FAM184B: variants seen among roughly 807,000 people sequenced by gnomAD.
FAM184B encodes the protein protein FAM184B.
FAM184B carries 111 observed loss-of-function variants against 135.9 expected under a neutral mutation model. That is an observed-to-expected ratio of 0.82 (90% CI 0.70 to 0.96). The LOEUF is 0.96. Ranked by LOEUF, FAM184B falls within the 40% of genes least tolerant of loss-of-function variation. FAM184B has a pLI of 0.00. For missense variants in FAM184B, 1,375 were observed against 1,323.9 expected (o/e 1.04, Z -0.60); for synonymous variants, 552 against 524.8 (o/e 1.05, Z -0.71).
intron 7 of FAM184B, among the ~76,000 whole-genome samples, chr4:17,675,092 C>T (rs1388821417): frequency 1.3e-5 from 2 of 152,198 alleles, no homozygotes; most frequent in East Asian, 3.8e-4. Flanking sequence ...TGCCCAGATC[C>T]ATCAGGAGAA....
chr4:17,712,350 G>A (rs1717298132), intron 1 of FAM184B, among the ~76,000 whole-genome samples: 1 of 152,176 alleles, frequency 6.6e-6, no homozygotes, highest in Admixed American at 6.5e-5. Flanking sequence ...CACATGAGAC[G>A]TCCTCACTGA....
rs1335677299 is a variant in FAM184B, at chr4:17,781,267, C to A, written c.33G>T (p.Pro11=). 22 of 1,550,022 alleles carry A rather than the reference C, an allele frequency of 1.4e-5. No homozygotes were observed. Among genetic ancestry groups the A allele is most frequent in the African/African-American group, 2.7e-5 (2 of 73,004 alleles). MASALNSKIN[P]PGTCQGSKAD... ...CTTTGGAGCCCTGGCAAGTGCCGGG[C>A]GGGTTAATTTTGCTGTTGAGAGCAG... The change falls in exon 1 of 18, where the codon CCG becomes CCT. Residue 11 remains proline (P), a synonymous_variant. Coordinates refer to ENST00000265018, the MANE Select transcript of FAM184B (RefSeq NM_015688.2). The surrounding 1 kb of genome is among the most constrained non-coding windows in gnomAD (Gnocchi z 6.5).
intron 1 of FAM184B, among the ~76,000 whole-genome samples, chr4:17,740,601 A>C (rs1718011784): frequency 6.6e-6 from 1 of 152,210 alleles, no homozygotes; most frequent in Non-Finnish European, 1.5e-5. Flanking sequence ...CCCTTGGAAG[A>C]GAGCTGCTGT....
chr4:17,680,671 G>A (rs74775034), intron 7 of FAM184B, among the ~76,000 whole-genome samples: 4,113 of 152,214 alleles, frequency 0.027, 92 homozygotes, highest in Non-Finnish European at 0.04. Flanking sequence ...TGCTAAAGTG[G>A]CCTGGGTATG....
At chr4:17,648,416 G>T (rs887193220) in intron 11 of FAM184B, among the ~76,000 whole-genome samples, 22 of 151,648 alleles carry the variant, frequency 1.5e-4, no homozygotes, top group African/African-American at 5.1e-4. Context: ...ACACGATCTC[G>T]GCTCACTGCA....
rs766960578 is a variant in FAM184B, at chr4:17,642,053, C to T, written c.2519+3G>A. The T allele has an allele frequency of 6.5e-7, 1 of 1,528,440 alleles. No individual in the cohort carries two copies. Among genetic ancestry groups the T allele is most frequent in the South Asian group, 1.2e-5 (1 of 83,648 alleles). The allele number at this position is 1,528,440 out of a possible 1,614,324, so 94.7% of individuals were successfully genotyped here. ...CGGTGGCGGGGCGCGCCGGGTCACC[C>T]ACCTGCGCTGGTCTCGGAGCTTCTG... is the stretch of plus-strand genomic sequence containing the variant. On this transcript the variant is annotated splice_donor_region_variant and intron_variant, in intron 13 of 17. Coordinates refer to ENST00000265018, the MANE Select transcript of FAM184B (RefSeq NM_015688.2).
intron 15 of FAM184B, 90 bp from the exon 16 acceptor site, chr4:17,635,203 AGAAGGAAAGTCCAGG>A: frequency 9.9e-7 from 1 of 1,006,046 alleles, no homozygotes; most frequent in East Asian, 2.7e-5. Context: ...GGCAGAATAG[AGAAGGAAAGTCCAGG>A]GGAGGAAGGG....
chr4:17,765,559 G>C (rs1560196319), intron 1 of FAM184B, among the ~76,000 whole-genome samples: 1 of 152,130 alleles, frequency 6.6e-6, no homozygotes, highest in East Asian at 1.9e-4. Context: ...TTATAATCCA[G>C]TTTTTGTATA....
chr4:17,725,187 T>C (rs1252456474), intron 1 of FAM184B, among the ~76,000 whole-genome samples: 1 of 152,098 alleles, frequency 6.6e-6, no homozygotes, highest in African/African-American at 2.4e-5. Context: ...GGACTGTTTG[T>C]TACTCAGTAT....
At position 17,652,932 on chromosome 4, in the gene FAM184B, G is replaced by C. The variant is rs1305058225; in HGVS notation, c.2089C>G (p.His697Asp). The C allele has an allele frequency of 1.3e-6, 2 of 1,551,732 alleles. No homozygotes were observed. Among genetic ancestry groups the C allele is most frequent in the Admixed American group, 3.9e-5 (2 of 51,004 alleles). Residue 697 changes from histidine to aspartate, a missense_variant, in exon 11 of 18, where the codon CAC (histidine) becomes GAC (aspartate). Physicochemically the swap from His to Asp is moderately conservative, Grantham distance 81. Coordinates refer to ENST00000265018, the MANE Select transcript of FAM184B (RefSeq NM_015688.2). ...TGGAGCTCCAGTCGGTGTGTCTGGTGTTGGATCTGGAGGCTGTGGCTGGAT... is the reference window on the plus strand; with the variant it reads ...TGGAGCTCCAGTCGGTGTGTCTGGTCTTGGATCTGGAGGCTGTGGCTGGAT... Reference protein sequence around the residue: ...KESSHSLQIQHQTHRLELQAL... With the variant: ...KESSHSLQIQDQTHRLELQAL...
intron 12 of FAM184B, among the ~76,000 whole-genome samples, chr4:17,642,628 C>G (rs1265968063): frequency 1.3e-5 from 2 of 152,166 alleles, no homozygotes; most frequent in African/African-American, 4.8e-5. Flanking sequence ...AACTGATAAG[C>G]TTTCTCTAAT....
intron 1 of FAM184B, among the ~76,000 whole-genome samples, chr4:17,749,865 A>G (rs1470920992): frequency 1.3e-5 from 2 of 152,168 alleles, no homozygotes; most frequent in Non-Finnish European, 2.9e-5. Flanking sequence ...GATCGTGGTA[A>G]GTATTCTATT....
chr4:17,654,122 C>A (rs1715723830), intron 10 of FAM184B, among the ~76,000 whole-genome samples: 1 of 151,560 alleles, frequency 6.6e-6, no homozygotes, highest in South Asian at 2.1e-4. Context: ...GATAATAAAT[C>A]TGTGTTGTTT....
chr4:17,755,902 T>C (rs1718408866), intron 1 of FAM184B, among the ~76,000 whole-genome samples: 1 of 152,012 alleles, frequency 6.6e-6, no homozygotes, highest in Non-Finnish European at 1.5e-5. Flanking sequence ...CACTGGGGCC[T>C]GTTGAGGGGA....
intron 1 of FAM184B, among the ~76,000 whole-genome samples, chr4:17,773,520 C>T (rs1718863992): frequency 6.6e-6 from 1 of 152,178 alleles, no homozygotes; most frequent in Non-Finnish European, 1.5e-5. Flanking sequence ...GCCCTGGTAT[C>T]TGCTTCTCCT....
Position 17,728,556 on chromosome 4 carries a change from T to C in FAM184B, c.142-18912A>G, listed in dbSNP as rs545079392. Among the ~76,000 whole-genome samples, 10 of 152,092 alleles carry C rather than the reference T, an allele frequency of 6.6e-5. No homozygotes were observed. The South Asian group carries it at 1.2e-3, about 19-fold the overall frequency. ...AGACTCCGTCTCTCGGGGCAGTCAG[T>C]GTAGGTCCTGCAGTGAAAGCAGGTG... is the stretch of plus-strand genomic sequence containing the variant. On this transcript the variant is annotated intron_variant, in intron 1 of 17. Transcript: ENST00000265018.
chr4:17,695,339 A>G (rs908520345), intron 5 of FAM184B, among the ~76,000 whole-genome samples: 6 of 151,910 alleles, frequency 3.9e-5, no homozygotes, highest in Non-Finnish European at 8.8e-5. Context: ...ATTTAAAAAA[A>G]AATTTTTTTA....
chr4:17,738,689 G>A (rs140370088), intron 1 of FAM184B, among the ~76,000 whole-genome samples: 2 of 152,244 alleles, frequency 1.3e-5, no homozygotes, highest in East Asian at 3.9e-4. Context: ...TAGTTTGGAT[G>A]CTTGTCCCCT....
intron 14 of FAM184B, 46 bp from the exon 15 acceptor site, chr4:17,636,691 TCAA>T (rs1715150206): frequency 7.0e-7 from 1 of 1,428,104 alleles, no homozygotes; most frequent in Non-Finnish European, 9.5e-7. Context: ...CAGCAATTAC[TCAA>T]CAAAGAGGGA....
Sources: allele counts gnomAD v4.1 joint callset (sites outside exome capture counted in the v4.1 genomes callset), GRCh38; gene constraint gnomAD v4.1.1; non-coding constraint Gnocchi (gnomAD v3.1); transcripts MANE v1.5; gene names NCBI Gene and HGNC (gene_info 2026-07-23, HGNC 2026-07-21).